Variants in JAZF1 observed in about 807,000 individuals in gnomAD.
JAZF1 encodes the protein juxtaposed with another zinc finger protein 1.
Under a neutral mutation model 26.4 loss-of-function variants are expected in JAZF1, and 8 were observed. The observed-to-expected ratio is 0.30, with a 90% confidence interval of 0.18 to 0.55. The LOEUF (loss-of-function observed/expected upper bound fraction) is 0.55, where lower values mean the gene tolerates loss of function less well. Among genes scored for constraint, JAZF1 ranks in the 20% least tolerant of loss-of-function variants. The pLI is 0.94. For synonymous variants in JAZF1, 126 were observed against 122.3 expected (o/e 1.03, Z -0.20); for missense variants, 199 against 322.0 (o/e 0.62, Z 2.92).
At chr7:27,853,507 GCCCTGAGC>G (rs1473897117) in intron 3 of JAZF1, among the ~76,000 whole-genome samples, 2 of 152,200 alleles carry the variant, frequency 1.3e-5, no homozygotes, top group African/African-American at 4.8e-5. Flanking sequence ...CTTGCCTTGT[GCCCTGAGC>G]TGCCACGACA....
At chr7:27,889,040 C>G (rs1783921053) in intron 3 of JAZF1, among the ~76,000 whole-genome samples, 1 of 152,102 alleles carries the variant, frequency 6.6e-6, no homozygotes, top group African/African-American at 2.4e-5. Flanking sequence ...GGAATATGTT[C>G]AAAATTCAAG....
At chr7:28,040,707 C>T (rs923144339) in intron 1 of JAZF1, among the ~76,000 whole-genome samples, 4 of 151,912 alleles carry the variant, frequency 2.6e-5, no homozygotes, top group Non-Finnish European at 2.9e-5. Flanking sequence ...GTTTTAGATA[C>T]CCACTTAAAA....
At chr7:27,993,860 A>G (rs1785956913) in intron 1 of JAZF1, among the ~76,000 whole-genome samples, 1 of 152,182 alleles carries the variant, frequency 6.6e-6, no homozygotes, top group Non-Finnish European at 1.5e-5. Context: ...AAGGTGTATT[A>G]TTTTGAAAGA....
chr7:28,161,248 C>A (rs1783281621), intron 1 of JAZF1, among the ~76,000 whole-genome samples: 1 of 110,888 alleles, frequency 9.0e-6, no homozygotes, highest in Admixed American at 1.1e-4. Context: ...CTTGAAAAAT[C>A]CTTTAATCTA....
chr7:27,893,715 C>T (rs558818429), intron 3 of JAZF1, among the ~76,000 whole-genome samples: 12 of 152,294 alleles, frequency 7.9e-5, no homozygotes, highest in Admixed American at 3.3e-4. Context: ...TGATTAGTGA[C>T]GGTCTATACT....
chr7:27,958,464 C>G (rs1162942204), intron 2 of JAZF1, among the ~76,000 whole-genome samples: 1 of 152,198 alleles, frequency 6.6e-6, no homozygotes, highest in Non-Finnish European at 1.5e-5. Flanking sequence ...ATGAAGTCAT[C>G]ACATGGAAAC....
intron 1 of JAZF1, among the ~76,000 whole-genome samples, chr7:28,021,943 A>G (rs1783014025): frequency 6.6e-6 from 1 of 152,232 alleles, no homozygotes; most frequent in Non-Finnish European, 1.5e-5. Context: ...CTTCAGTAAA[A>G]TTCAAACAAA....
At chr7:27,859,016 C>T (rs966109489) in intron 3 of JAZF1, among the ~76,000 whole-genome samples, 1 of 151,878 alleles carries the variant, frequency 6.6e-6, no homozygotes. Flanking sequence ...CTGCAAAGAA[C>T]TTAAATTTAC....
At chr7:27,858,561 C>G (rs2128335649) in intron 3 of JAZF1, among the ~76,000 whole-genome samples, 1 of 152,240 alleles carries the variant, frequency 6.6e-6, no homozygotes, top group South Asian at 2.1e-4. Context: ...GAACAGAGGC[C>G]TCAGAAATAA....
chr7:27,873,598 G>A (rs772440708), intron 3 of JAZF1, among the ~76,000 whole-genome samples: 12 of 152,204 alleles, frequency 7.9e-5, no homozygotes, highest in African/African-American at 2.2e-4. Flanking sequence ...ACTTTCCCCC[G>A]GTCATTGTTA....
At chr7:27,859,519 C>G (rs1783337023) in intron 3 of JAZF1, among the ~76,000 whole-genome samples, 1 of 152,196 alleles carries the variant, frequency 6.6e-6, no homozygotes, top group Non-Finnish European at 1.5e-5. Flanking sequence ...CACATATACA[C>G]CATGGAATAC....
intron 3 of JAZF1, among the ~76,000 whole-genome samples, chr7:27,848,128 C>G (rs1376474009): frequency 6.6e-6 from 1 of 152,206 alleles, no homozygotes; most frequent in African/African-American, 2.4e-5. Context: ...AGGGATTGCA[C>G]TGATTCCATA....
chr7:28,064,913 TAACTTTAGATCTAAGAATCTA>T (rs1424362696), intron 1 of JAZF1, among the ~76,000 whole-genome samples: 1 of 152,198 alleles, frequency 6.6e-6, no homozygotes. Flanking sequence ...ATTCATTATA[TAACTTTAGATCTAAGAATCTA>T]AACTTTAGAT....
chr7:28,172,102 G>A (rs1449810496), intron 1 of JAZF1, among the ~76,000 whole-genome samples: 1 of 152,136 alleles, frequency 6.6e-6, no homozygotes, highest in Non-Finnish European at 1.5e-5. Context: ...CTGACACACT[G>A]CTATAAATAC....
At chr7:27,950,835 A>G (rs1352936901) in intron 2 of JAZF1, among the ~76,000 whole-genome samples, 1 of 152,164 alleles carries the variant, frequency 6.6e-6, no homozygotes, top group African/African-American at 2.4e-5. Context: ...GGCCAAACAT[A>G]GGACACAAAA....
chr7:28,129,895 T>C (rs1428556499), intron 1 of JAZF1, among the ~76,000 whole-genome samples: 2 of 152,150 alleles, frequency 1.3e-5, no homozygotes, highest in Admixed American at 6.5e-5. Flanking sequence ...GCAGTTACTG[T>C]GTTATGTGTT....
chr7:28,135,843 G>C (rs983900923), intron 1 of JAZF1, among the ~76,000 whole-genome samples: 4 of 152,134 alleles, frequency 2.6e-5, no homozygotes, highest in Non-Finnish European at 4.4e-5. Flanking sequence ...AATTCTGTTT[G>C]TATCTATGTA....
At chr7:28,058,391 C>G (rs955931039) in intron 1 of JAZF1, among the ~76,000 whole-genome samples, 1 of 152,136 alleles carries the variant, frequency 6.6e-6, no homozygotes, top group Non-Finnish European at 1.5e-5. Flanking sequence ...CCTGCCTGCA[C>G]CTGCCTCTAT....
At chr7:27,986,323 A>T (rs1232786559) in intron 2 of JAZF1, among the ~76,000 whole-genome samples, 1 of 152,086 alleles carries the variant, frequency 6.6e-6, no homozygotes, top group South Asian at 2.1e-4. Context: ...CCAATAACAG[A>T]CAGACAGAGA....
Sources: allele counts gnomAD v4.1 joint callset (sites outside exome capture counted in the v4.1 genomes callset), GRCh38; gene constraint gnomAD v4.1.1; transcripts MANE v1.5; gene names NCBI Gene and HGNC (gene_info 2026-07-23, HGNC 2026-07-21).